Variants in WRN observed in about 807,000 individuals in gnomAD.
The protein encoded by WRN is WRN RecQ like helicase.
In WRN, 149 loss-of-function variants were observed where a neutral mutation model predicts 180.7. The ratio of observed to expected loss-of-function variants is 0.82; its 90% CI spans 0.72 to 0.94. The LOEUF (loss-of-function observed/expected upper bound fraction) is 0.94, where lower values mean the gene tolerates loss of function less well. Ranked by LOEUF, WRN falls within the 40% of genes least tolerant of loss-of-function variation. The pLI, the probability that WRN is intolerant of heterozygous loss-of-function variation, is 0.00. For missense variants in WRN, 1,661 were observed against 1,700.1 expected (o/e 0.98, Z 0.40); for synonymous variants, 548 against 568.9 (o/e 0.96, Z 0.52).
At position 31,173,202 on chromosome 8, in the gene WRN, C is replaced by T; in HGVS notation, c.*100C>T. 8.8e-7 allele frequency: 1 copy of T among 1,140,646 alleles called. No individual in the cohort carries two copies. Among genetic ancestry groups the T allele is most frequent in the Non-Finnish European group, 1.3e-6 (1 of 773,804 alleles). The allele number at this position is 1,140,646 out of a possible 1,614,324, so 70.7% of individuals were successfully genotyped here. A position where few individuals can be genotyped will look rare whatever the true frequency, so the allele number is the denominator to read the frequency against. On this transcript the variant is annotated 3_prime_UTR_variant, in exon 35 of 35. Transcript: ENST00000298139. ...AGGAGTAGTATTTTGGCTTAAAAAT[C>T]ATTCTAATTACAAAGTTCACTGTTT... is the stretch of plus-strand genomic sequence containing the variant.
rs1804166403 is a variant in WRN, at chr8:31,173,122, A to G, written c.*20A>G. ...AGTTAAGCTGGCAATTACCAGAACA[A>G]TTATGTTTCTTGCTGTATTATAAGA... On this transcript the variant is annotated 3_prime_UTR_variant, in exon 35 of 35. Transcript: ENST00000298139. The G allele has an allele frequency of 1.9e-6, 3 of 1,595,584 alleles. No homozygotes were observed. The highest frequency in any genetic ancestry group is 2.6e-6 in the Non-Finnish European group (3 of 1,163,308).
chr8:31,070,111 G>GTATTAGGTAATCTTAGT (rs746451717), intron 7 of WRN, among the ~76,000 whole-genome samples: 22 of 151,426 alleles, frequency 1.5e-4, no homozygotes, highest in Non-Finnish European at 2.7e-4. Context: ...CCAGTGAATT[G>GTATTAGGTAATCTTAGT]TATTAGGTTG....
intron 33 of WRN, among the ~76,000 whole-genome samples, chr8:31,164,019 G>A (rs1803747653): frequency 6.6e-6 from 1 of 151,904 alleles, no homozygotes; most frequent in Admixed American, 6.6e-5. Context: ...AAGTATTTTT[G>A]TAGAGATGAG....
intron 18 of WRN, among the ~76,000 whole-genome samples, chr8:31,104,463 T>C (rs1482314794): frequency 6.6e-6 from 1 of 152,226 alleles, no homozygotes; most frequent in Non-Finnish European, 1.5e-5. Context: ...AAATATTTCT[T>C]TCACTTTGTA....
intron 7 of WRN, 111 bp from the exon 8 acceptor site, chr8:31,076,060 TCA>T: frequency 1.2e-6 from 1 of 864,498 alleles, no homozygotes; most frequent in South Asian, 1.5e-5. Flanking sequence ...TTGTTGGAAT[TCA>T]TTTAAGGAAA....
At chr8:31,118,966 G>T (rs1801618037) in intron 20 of WRN, among the ~76,000 whole-genome samples, 1 of 151,818 alleles carries the variant, frequency 6.6e-6, no homozygotes. Flanking sequence ...CTGTAAAATA[G>T]GTTGATCTCA....
At chr8:31,151,738 A>G (rs1447292099) in intron 31 of WRN, among the ~76,000 whole-genome samples, 2 of 152,210 alleles carry the variant, frequency 1.3e-5, no homozygotes, top group African/African-American at 4.8e-5. Context: ...AGGGATAGGT[A>G]TGAAACCTTT....
intron 24 of WRN, among the ~76,000 whole-genome samples, chr8:31,140,881 G>A (rs893029792): frequency 2.0e-5 from 3 of 151,830 alleles, no homozygotes; most frequent in Admixed American, 6.6e-5. Flanking sequence ...TCAGCCTCCC[G>A]AGCAGCTGGG....
At chr8:31,125,891 T>G (rs776262649) in intron 23 of WRN, among the ~76,000 whole-genome samples, 2 of 151,116 alleles carry the variant, frequency 1.3e-5, no homozygotes, top group Non-Finnish European at 2.9e-5. Context: ...AGATTAGTGT[T>G]TGACCAAACA....
intron 1 of WRN, among the ~76,000 whole-genome samples, chr8:31,054,998 T>C (rs918947868): frequency 6.6e-6 from 1 of 152,216 alleles, no homozygotes; most frequent in Non-Finnish European, 1.5e-5. Context: ...TTTGTTAGTT[T>C]GCTGAGGATA....
At chr8:31,088,630 T>A (rs1813627516) in intron 12 of WRN, among the ~76,000 whole-genome samples, 1 of 152,142 alleles carries the variant, frequency 6.6e-6, no homozygotes, top group Admixed American at 6.5e-5. Context: ...TTAGAAGTAT[T>A]CCTGATTCTA....
Position 31,087,884 on chromosome 8 carries a change from A to G in WRN, c.1540A>G (p.Asn514Asp), listed in dbSNP as rs1813596844. 6.2e-7 allele frequency: 1 copy of G among 1,613,612 alleles called. No individual in the cohort carries two copies. Among genetic ancestry groups the G allele is most frequent in the African/African-American group, 1.3e-5 (1 of 75,020 alleles). Residue 514 changes from asparagine to aspartate, a missense_variant, in exon 12 of 35, where the codon AAT becomes GAT. By Grantham distance (23) the Asn-to-Asp change is conservative (BLOSUM62 1). Around this residue, in one of 3 missense-constraint regions of WRN, gnomAD observed 1,141 missense variants for 1,149.4 expected, o/e 0.99. Coordinates refer to ENST00000298139, the MANE Select transcript of WRN (RefSeq NM_000553.6). ...PTKEEEEDDE[N>D]EANEGEEDDD... Reference sequence around the variant, plus strand: ...TAAAGAAGAAGAAGAAGATGATGAAAATGAAGCTAATGAAGGGGAAGAAGA... The same window carrying G: ...TAAAGAAGAAGAAGAAGATGATGAAGATGAAGCTAATGAAGGGGAAGAAGA...
intron 26 of WRN, 42 bp from the exon 27 acceptor site, chr8:31,142,584 G>A (rs768366193): frequency 7.0e-7 from 1 of 1,428,432 alleles, no homozygotes; most frequent in Admixed American, 1.8e-5. Context: ...TTAGATACTT[G>A]CATCTTAACA....
At chr8:31,143,948 G>A (rs1042252625) in intron 28 of WRN, among the ~76,000 whole-genome samples, 37 of 152,308 alleles carry the variant, frequency 2.4e-4, no homozygotes, top group African/African-American at 8.4e-4. Context: ...CAAGGGTTAA[G>A]AAGTTGACAA....
At chr8:31,115,487 T>G (rs1430881805) in intron 19 of WRN, among the ~76,000 whole-genome samples, 2 of 152,184 alleles carry the variant, frequency 1.3e-5, no homozygotes, top group Non-Finnish European at 2.9e-5. Flanking sequence ...TTTAGATGAC[T>G]TTTTACTATT....
intron 1 of WRN, among the ~76,000 whole-genome samples, chr8:31,056,557 C>G (rs10503881): frequency 0.11 from 16,700 of 152,156 alleles, 1,134 homozygotes; most frequent in African/African-American, 0.19. Flanking sequence ...TAGGCAAGCA[C>G]CAATTGCAGG....
At chr8:31,093,490 A>G (rs992658500) in intron 16 of WRN, among the ~76,000 whole-genome samples, 7 of 152,046 alleles carry the variant, frequency 4.6e-5, no homozygotes, top group African/African-American at 1.2e-4. Context: ...ACATTTTCTT[A>G]TTGATAGACA....
intron 16 of WRN, among the ~76,000 whole-genome samples, chr8:31,093,081 G>C (rs1439756958): frequency 7.9e-5 from 12 of 152,158 alleles, no homozygotes; most frequent in Non-Finnish European, 1.5e-4. Context: ...CTAGGCTGCA[G>C]GTATGTTCCA....
intron 32 of WRN, among the ~76,000 whole-genome samples, chr8:31,155,274 T>G (rs11574377): frequency 0.016 from 2,427 of 152,294 alleles, 56 homozygotes; most frequent in African/African-American, 0.055. Flanking sequence ...TTTCATTCTA[T>G]CTCTTCTAGT....
Sources: gnomAD v4.1 joint callset for allele counts (sites outside exome capture counted in the v4.1 genomes callset) on GRCh38, gnomAD v4.1.1 for gene constraint, gnomAD v4.1.1 regional missense constraint, MANE v1.5 for transcripts, NCBI Gene and HGNC (gene_info 2026-07-23, HGNC 2026-07-21) for gene names.